Variants in KCNT2 observed in about 807,000 individuals in gnomAD.
KCNT2 encodes the protein potassium channel subfamily T member 2.
A neutral mutation model predicts 153.8 loss-of-function variants in KCNT2; 67 were observed. That is an observed-to-expected ratio of 0.44 (90% CI 0.36 to 0.53). The LOEUF (loss-of-function observed/expected upper bound fraction) is 0.53, where lower values mean the gene tolerates loss of function less well. Among genes scored for constraint, KCNT2 ranks in the 20% least tolerant of loss-of-function variants. The probability of loss-of-function intolerance (pLI) is 0.00; values close to 1 mark genes in which losing one functional copy is unlikely to be tolerated. For missense variants in KCNT2, 975 were observed against 1,354.8 expected (o/e 0.72, Z 4.40); for synonymous variants, 500 against 458.8 (o/e 1.09, Z -1.15).
At chr1:196,427,736 T>A (rs924933465) in intron 10 of KCNT2, among the ~76,000 whole-genome samples, 2 of 152,098 alleles carry the variant, frequency 1.3e-5, no homozygotes, top group African/African-American at 4.8e-5. Context: ...GCAGATGATA[T>A]TGAAATGGTT....
At chr1:196,456,498 T>A (rs1676686287) in intron 8 of KCNT2, among the ~76,000 whole-genome samples, 2 of 152,014 alleles carry the variant, frequency 1.3e-5, no homozygotes, top group African/African-American at 4.8e-5. Context: ...TAACAAAATG[T>A]ACCTTTCTTG....
At chr1:196,563,635 A>G (rs564814249) in intron 1 of KCNT2, among the ~76,000 whole-genome samples, 1 of 152,048 alleles carries the variant, frequency 6.6e-6, no homozygotes, top group African/African-American at 2.4e-5. Context: ...TAGCAAGCCA[A>G]ATTCAATAGC....
chr1:196,512,127 T>G (rs1433128300), intron 1 of KCNT2, among the ~76,000 whole-genome samples: 1 of 152,176 alleles, frequency 6.6e-6, no homozygotes, highest in Non-Finnish European at 1.5e-5. Flanking sequence ...TAGGCACAGT[T>G]GATCATTTCA....
At chr1:196,234,891 A>G (rs535412081) in intron 27 of KCNT2, among the ~76,000 whole-genome samples, 2 of 151,460 alleles carry the variant, frequency 1.3e-5, no homozygotes, top group South Asian at 4.1e-4. Flanking sequence ...TACAATCTAT[A>G]GTTAGTTACC....
chr1:196,243,570 A>G (rs1655153580), intron 26 of KCNT2, among the ~76,000 whole-genome samples: 1 of 152,116 alleles, frequency 6.6e-6, no homozygotes, highest in Non-Finnish European at 1.5e-5. Context: ...ACTGCATTGG[A>G]ACTCAATGCT....
chr1:196,526,313 C>T (rs1227475707), intron 1 of KCNT2, among the ~76,000 whole-genome samples: 1 of 150,406 alleles, frequency 6.6e-6, no homozygotes, highest in African/African-American at 2.4e-5. Context: ...ATATATAAAT[C>T]ATATAAAATA....
Position 196,439,875 on chromosome 1 carries a change from A to T in KCNT2, c.639-10118T>A, listed in dbSNP as rs370768155. 3.5e-4 allele frequency among the ~76,000 whole-genome samples: 53 copies of T among 151,910 alleles called. No individual in the cohort carries two copies. The South Asian group carries it at 0.01, about 30-fold the overall frequency. On this transcript the variant is annotated intron_variant, in intron 8 of 27. Coordinates refer to ENST00000294725, the MANE Select transcript of KCNT2 (RefSeq NM_198503.5). ...GGACACTGGGAGGGGAACATCACAC[A>T]CCAAGGCCTGTCGGTGGGTGTGGGT...
intron 14 of KCNT2, among the ~76,000 whole-genome samples, chr1:196,346,901 A>G (rs1434316184): frequency 6.6e-6 from 1 of 152,152 alleles, no homozygotes; most frequent in Non-Finnish European, 1.5e-5. Flanking sequence ...AACATGTTCT[A>G]AGACATAGTA....
In KCNT2 at chr1:196,608,343, A is replaced by C; in HGVS notation, c.-34T>G. 6.7e-6 allele frequency: 10 copies of C among 1,502,078 alleles called. No individual in the cohort carries two copies. The highest frequency in any genetic ancestry group is 1.1e-5 in the South Asian group (1 of 88,870). 93.0% of individuals were successfully genotyped at this position (1,502,078 alleles called of 1,614,324 possible). A position where few individuals can be genotyped will look rare whatever the true frequency, so the allele number is the denominator to read the frequency against. ...AAAGAGTGGGAAACATCAAACAACA[A>C]ATGGAGGAGAGGAGGGAGAAAGAAA... On this transcript the variant is annotated 5_prime_UTR_variant, in exon 1 of 28. The change creates a new upstream start codon in the 5' untranslated region. Transcript: ENST00000294725.
At chr1:196,261,336 C>T (rs1321471521) in intron 25 of KCNT2, among the ~76,000 whole-genome samples, 1 of 151,896 alleles carries the variant, frequency 6.6e-6, no homozygotes, top group African/African-American at 2.4e-5. Context: ...AAGTTTATTT[C>T]CATTTCCCTC....
chr1:196,584,552 G>A (rs1304489562), intron 1 of KCNT2, among the ~76,000 whole-genome samples: 1 of 151,972 alleles, frequency 6.6e-6, no homozygotes, highest in African/African-American at 2.4e-5. Context: ...AGCAGAGAGG[G>A]GCATGCCTGG....
intron 12 of KCNT2, among the ~76,000 whole-genome samples, chr1:196,420,968 T>C (rs944959445): frequency 2.6e-5 from 4 of 152,070 alleles, no homozygotes; most frequent in African/African-American, 9.7e-5. Context: ...CTAACCAGTA[T>C]TCATGTATTT....
intron 1 of KCNT2, among the ~76,000 whole-genome samples, chr1:196,576,195 A>C (rs1165894834): frequency 6.6e-6 from 1 of 151,952 alleles, no homozygotes; most frequent in Non-Finnish European, 1.5e-5. Context: ...TAAAGCTCCC[A>C]AGATTAATTA....
At chr1:196,508,212 A>G (rs1681313951) in intron 1 of KCNT2, among the ~76,000 whole-genome samples, 1 of 146,902 alleles carries the variant, frequency 6.8e-6, no homozygotes, top group South Asian at 2.1e-4. Context: ...AAAAAAAAAA[A>G]AGTAAAGAAA....
chr1:196,353,815 G>C (rs1159639806), intron 14 of KCNT2, among the ~76,000 whole-genome samples: 1 of 151,964 alleles, frequency 6.6e-6, no homozygotes, highest in Non-Finnish European at 1.5e-5. Context: ...TCTGAATGCA[G>C]TAAAAGAACC....
chr1:196,232,613 C>G (rs917531838), intron 27 of KCNT2, among the ~76,000 whole-genome samples: 2 of 151,178 alleles, frequency 1.3e-5, no homozygotes, highest in Non-Finnish European at 3.0e-5. Flanking sequence ...TAATAGCAGT[C>G]AAGTTGATGT....
At chr1:196,313,342 C>T (rs1662376389) in intron 21 of KCNT2, among the ~76,000 whole-genome samples, 1 of 151,490 alleles carries the variant, frequency 6.6e-6, no homozygotes, top group South Asian at 2.1e-4. Context: ...AAGGTTTAGG[C>T]TATGACCATG....
chr1:196,256,090 A>T (rs1656459183), intron 26 of KCNT2, among the ~76,000 whole-genome samples: 1 of 151,988 alleles, frequency 6.6e-6, no homozygotes, highest in African/African-American at 2.4e-5. Flanking sequence ...CATAAACACA[A>T]GTATAAAAAT....
intron 16 of KCNT2, among the ~76,000 whole-genome samples, chr1:196,336,389 C>T (rs764269014): frequency 2.0e-5 from 3 of 152,054 alleles, no homozygotes; most frequent in Admixed American, 6.6e-5. Context: ...GAATTAGAAT[C>T]GATTAATCCA....
Sources: gnomAD v4.1 joint callset for allele counts (sites outside exome capture counted in the v4.1 genomes callset) on GRCh38, gnomAD v4.1.1 for gene constraint, MANE v1.5 for transcripts, NCBI Gene and HGNC (gene_info 2026-07-23, HGNC 2026-07-21) for gene names.